The following UBTD2 variants were observed in gnomAD, a reference collection of about 807,000 sequenced individuals.
UBTD2 encodes the protein ubiquitin domain containing 2, also known as ubiquitin domain-containing protein 2.
A neutral mutation model predicts 19.8 loss-of-function variants in UBTD2; 9 were observed. That is an observed-to-expected ratio of 0.46 (90% CI 0.27 to 0.79). The LOEUF is 0.79. Among genes scored for constraint, UBTD2 ranks in the 30% least tolerant of loss-of-function variants. UBTD2 has a pLI of 0.14. For synonymous variants in UBTD2, 98 were observed against 103.9 expected (o/e 0.94, Z 0.35); for missense variants, 250 against 300.4 (o/e 0.83, Z 1.24).
chr5:172,230,555 A>G (rs1771868456), intron 2 of UBTD2, among the ~76,000 whole-genome samples: 1 of 152,128 alleles, frequency 6.6e-6, no homozygotes, highest in African/African-American at 2.4e-5. Flanking sequence ...GTTATTATCC[A>G]TATTTTACAT....
chr5:172,277,844 T>C (rs1755637514), intron 1 of UBTD2, among the ~76,000 whole-genome samples: 1 of 136,368 alleles, frequency 7.3e-6, no homozygotes, highest in Admixed American at 7.4e-5. Context: ...ATAAAACTCT[T>C]ACCACTCAAA....
chr5:172,279,168 G>T (rs1290387152), intron 1 of UBTD2, among the ~76,000 whole-genome samples: 1 of 152,212 alleles, frequency 6.6e-6, no homozygotes, highest in Non-Finnish European at 1.5e-5. Context: ...CTGACTGCCA[G>T]TTATAAGCTA....
chr5:172,230,749 C>A (rs112632835), intron 2 of UBTD2, among the ~76,000 whole-genome samples: 1 of 151,346 alleles, frequency 6.6e-6, no homozygotes, highest in Admixed American at 6.6e-5. Flanking sequence ...GGTAGTACAA[C>A]ACAATGTGCC....
intron 1 of UBTD2, among the ~76,000 whole-genome samples, chr5:172,259,579 T>C (rs1755225736): frequency 6.6e-6 from 1 of 152,112 alleles, no homozygotes; most frequent in African/African-American, 2.4e-5. Context: ...TGTATGTGTA[T>C]ATGTACTGTA....
At chr5:172,280,184 G>A (rs572437426) in intron 1 of UBTD2, among the ~76,000 whole-genome samples, 2 of 151,010 alleles carry the variant, frequency 1.3e-5, no homozygotes, top group African/African-American at 4.9e-5. Flanking sequence ...TAACTTCTAT[G>A]ACATACCTGT....
In UBTD2 at chr5:172,234,252, A is replaced by G; in HGVS notation, c.177T>C (p.Asp59=). 6.2e-7 allele frequency: 1 copy of G among 1,614,206 alleles called. No homozygotes were observed. The highest frequency in any genetic ancestry group is 8.5e-7 in the Non-Finnish European group (1 of 1,180,042). ...QLRSKRDEFW[D]TAPAFEGRKE... is the part of the protein sequence containing the mutation. ...TCCGGCCTTCAAAAGCTGGTGCTGT[A>G]TCCCAAAATTCATCCCTCTTGCTGC... The change falls in exon 2 of 3, where the codon GAT becomes GAC. Residue 59 remains aspartate (D), a synonymous_variant. Coordinates refer to ENST00000393792, the MANE Select transcript of UBTD2 (RefSeq NM_152277.3).
At chr5:172,218,810 T>TAAAAAAAAAAAAAAAAAAAAAAAAA (rs1241151556) in intron 2 of UBTD2, among the ~76,000 whole-genome samples, 1 of 128,340 alleles carries the variant, frequency 7.8e-6, no homozygotes, top group African/African-American at 3.1e-5. Flanking sequence ...AAAAAAAAAA[T>TAAAAAAAAAAAAAAAAAAAAAAAAA]AAAAAATAAA....
intron 1 of UBTD2, among the ~76,000 whole-genome samples, chr5:172,268,558 C>A (rs967764979): frequency 2.0e-5 from 3 of 152,040 alleles, no homozygotes; most frequent in African/African-American, 7.2e-5. Flanking sequence ...ACCAGCCTGG[C>A]CAACATGGTA....
At chr5:172,232,551 C>A (rs1375105783) in intron 2 of UBTD2, among the ~76,000 whole-genome samples, 1 of 151,920 alleles carries the variant, frequency 6.6e-6, no homozygotes, top group African/African-American at 2.4e-5. Context: ...TGGAATCTGG[C>A]AAGGATATAG....
In UBTD2 at chr5:172,262,468, A is replaced by AT. The variant is rs763651049; in HGVS notation, c.70+21127_70+21128insA. 7.1e-3 allele frequency among the ~76,000 whole-genome samples: 1,011 copies of AT among 142,926 alleles called. 43 individuals are homozygous for AT. Among genetic ancestry groups the AT allele is most frequent in the African/African-American group, 0.018 (696 of 38,038 alleles). The allele number at this position is 142,926 out of a possible 152,430, so 93.8% of individuals were successfully genotyped here. On this transcript the variant is annotated intron_variant, in intron 1 of 2. Transcript: ENST00000393792. Reference sequence around the variant, plus strand: ...CACCAAAAAAAAAAAAAAAAAAAAAACAAGAAAATGTATATGAAGATTCTT... The same window carrying AT: ...CACCAAAAAAAAAAAAAAAAAAAAAATCAAGAAAATGTATATGAAGATTCTT...
chr5:172,283,217 G>A lies in UBTD2; in HGVS notation c.70+379C>T, dbSNP rs1182232848. On this transcript the variant is annotated intron_variant, in intron 1 of 2. Coordinates refer to ENST00000393792, the MANE Select transcript of UBTD2 (RefSeq NM_152277.3). The surrounding 1 kb of genome is among the most constrained non-coding windows in gnomAD (Gnocchi z 4.3). ...GGGCCCGTCGGAGGGAACGCATCAA[G>A]CTCCCTCCCCCCGCCATCAATTCGC... Among the ~76,000 whole-genome samples the A allele has an allele frequency of 6.6e-5, 10 of 152,130 alleles. No homozygotes were observed. Among genetic ancestry groups the A allele is most frequent in the Non-Finnish European group, 1.3e-4 (9 of 68,018 alleles).
At chr5:172,260,775 T>C (rs1755251045) in intron 1 of UBTD2, among the ~76,000 whole-genome samples, 1 of 152,220 alleles carries the variant, frequency 6.6e-6, no homozygotes, top group Non-Finnish European at 1.5e-5. Context: ...AAAGTTCCTT[T>C]TCACTATGTC....
chr5:172,227,505 A>G (rs1771793304), intron 2 of UBTD2, among the ~76,000 whole-genome samples: 1 of 143,834 alleles, frequency 7.0e-6, no homozygotes, highest in Admixed American at 7.1e-5. Context: ...CCTAAGCTTT[A>G]TGTTTATGAA....
intron 2 of UBTD2, among the ~76,000 whole-genome samples, chr5:172,230,222 G>A (rs954693109): frequency 1.3e-5 from 2 of 152,140 alleles, no homozygotes; most frequent in African/African-American, 4.8e-5. Context: ...ATTGCCACTT[G>A]AGAATAAACT....
intron 1 of UBTD2, among the ~76,000 whole-genome samples, chr5:172,256,700 C>G (rs1011516334): frequency 6.6e-6 from 1 of 152,074 alleles, no homozygotes; most frequent in East Asian, 1.9e-4. Context: ...GCGGGCAGAT[C>G]ACCTGAGGTC....
chr5:172,283,349 A>G lies in UBTD2; in HGVS notation c.70+247T>C, dbSNP rs1326821935. Among the ~76,000 whole-genome samples the G allele has an allele frequency of 6.6e-6, 1 of 152,100 alleles. No individual in the cohort carries two copies. Among genetic ancestry groups the G allele is most frequent in the Non-Finnish European group, 1.5e-5 (1 of 68,008 alleles). On this transcript the variant is annotated intron_variant, in intron 1 of 2. Coordinates refer to ENST00000393792, the MANE Select transcript of UBTD2 (RefSeq NM_152277.3). This position sits in a 1 kb window ranked among gnomAD's most constrained non-coding sequence, Gnocchi z 4.3. Reference sequence around the variant, plus strand: ...CTTCGGGTCCGACTTCCCCGAGCCGAGCGGGGCGGTCGGCGAGGCCAAGGG... The same window carrying G: ...CTTCGGGTCCGACTTCCCCGAGCCGGGCGGGGCGGTCGGCGAGGCCAAGGG...
At chr5:172,226,509 GCTGTCTTCTCT>G (rs1771769292) in intron 2 of UBTD2, among the ~76,000 whole-genome samples, 2 of 152,108 alleles carry the variant, frequency 1.3e-5, no homozygotes, top group South Asian at 4.1e-4. Context: ...AATAATGTTG[GCTGTCTTCTCT>G]CAAGTTTTAA....
chr5:172,246,097 C>T (rs956041914), intron 1 of UBTD2, among the ~76,000 whole-genome samples: 3 of 152,120 alleles, frequency 2.0e-5, no homozygotes, highest in Non-Finnish European at 4.4e-5. Flanking sequence ...ACAAAGACTT[C>T]AAAGCAGTTA....
chr5:172,228,415 A>G (rs922318593), intron 2 of UBTD2, among the ~76,000 whole-genome samples: 3 of 152,200 alleles, frequency 2.0e-5, no homozygotes, highest in Admixed American at 2.0e-4. Context: ...AGGCATAAGA[A>G]TTAAATGTTA....
Sources: allele counts gnomAD v4.1 joint callset (sites outside exome capture counted in the v4.1 genomes callset), GRCh38; gene constraint gnomAD v4.1.1; non-coding constraint Gnocchi (gnomAD v3.1); transcripts MANE v1.5; gene names NCBI Gene and HGNC (gene_info 2026-07-23, HGNC 2026-07-21).